The following C10orf67 variants were observed in gnomAD, a reference collection of about 807,000 sequenced individuals.
The protein encoded by C10orf67 is uncharacterized protein C10orf67, mitochondrial.
In C10orf67, 60 loss-of-function variants were observed where a neutral mutation model predicts 35.6. That is an observed-to-expected ratio of 1.68 (90% CI 1.37 to 2.09). C10orf67 has a LOEUF of 2.09. C10orf67 is among the 30% of genes most tolerant of loss of function. The pLI, the probability that C10orf67 is intolerant of heterozygous loss-of-function variation, is 0.00. For missense variants in C10orf67, 474 were observed against 330.2 expected (o/e 1.44, Z -3.38); for synonymous variants, 167 against 115.8 (o/e 1.44, Z -2.84).
At chr10:23,297,230 C>CCCTTTCCTTTCCTTTCCTTT (rs55638393) in intron 5 of C10orf67, among the ~76,000 whole-genome samples, 5,084 of 145,664 alleles carry the variant, frequency 0.035, 162 homozygotes, top group South Asian at 0.062. Context: ...CTTTCTATTT[C>CCCTTTCCTTTCCTTTCCTTT]CCTTTCCTTT....
intron 15 of C10orf67, among the ~76,000 whole-genome samples, chr10:23,205,590 T>C (rs201583987): frequency 6.6e-6 from 1 of 152,218 alleles, no homozygotes; most frequent in East Asian, 1.9e-4. Flanking sequence ...TAGAGTTAAG[T>C]ATACTGGAGA....
intron 13 of C10orf67, among the ~76,000 whole-genome samples, chr10:23,234,268 CAACTT>C (rs1156913022): frequency 1.8e-4 from 28 of 152,142 alleles, no homozygotes; most frequent in Non-Finnish European, 2.6e-4. Flanking sequence ...GACATGGAAT[CAACTT>C]AAATGCCCAT....
chr10:23,222,794 A>C (rs1173872434), intron 15 of C10orf67, among the ~76,000 whole-genome samples: 1 of 152,164 alleles, frequency 6.6e-6, no homozygotes, highest in African/African-American at 2.4e-5. Context: ...CCAATCAACC[A>C]AACAAACAAA....
At chr10:23,226,452 A>G (rs1297118641) in intron 13 of C10orf67, among the ~76,000 whole-genome samples, 1 of 152,180 alleles carries the variant, frequency 6.6e-6, no homozygotes, top group Non-Finnish European at 1.5e-5. Context: ...GTGTAGAGGG[A>G]AATTTATCAC....
chr10:23,286,290 C>G (rs987592407), intron 7 of C10orf67, among the ~76,000 whole-genome samples: 6 of 147,008 alleles, frequency 4.1e-5, no homozygotes, highest in Non-Finnish European at 6.0e-5. Context: ...CCCAGCTACT[C>G]TGGGAGCTGA....
chr10:23,315,570 C>T (rs747333957), intron 4 of C10orf67, among the ~76,000 whole-genome samples: 2 of 151,848 alleles, frequency 1.3e-5, no homozygotes, highest in African/African-American at 4.8e-5. Flanking sequence ...TTCCAAGTAG[C>T]TAGGACCCTA....
At chr10:23,339,728 T>C (rs1182972991) in intron 1 of C10orf67, among the ~76,000 whole-genome samples, 1 of 152,234 alleles carries the variant, frequency 6.6e-6, no homozygotes, top group East Asian at 1.9e-4. Flanking sequence ...CAGTGTATTG[T>C]CTAGAGTCTT....
chr10:23,271,337 G>A (rs188196171), intron 8 of C10orf67, among the ~76,000 whole-genome samples: 1 of 152,296 alleles, frequency 6.6e-6, no homozygotes, highest in East Asian at 1.9e-4. Flanking sequence ...TACCAGAGGT[G>A]TTTCCAGTTT....
rs553295051 is a variant in C10orf67 at position 23,320,048 on chromosome 10, G to C, written c.546+693C>G. ...ATTACGTACCAGTCACAGCGCTAAA[G>C]GCAGAACCACAGCAGAGAGTAACAC... On this transcript the variant is annotated intron_variant, in intron 4 of 15. Transcript: ENST00000636213. Among the ~76,000 whole-genome samples the C allele has an allele frequency of 2.6e-5, 4 of 152,268 alleles. No individual in the cohort carries two copies. In the East Asian group the frequency reaches 7.7e-4, roughly 29 times the overall value.
At chr10:23,292,432 C>T (rs1281883024) in intron 5 of C10orf67, among the ~76,000 whole-genome samples, 1 of 152,064 alleles carries the variant, frequency 6.6e-6, no homozygotes, top group Non-Finnish European at 1.5e-5. Flanking sequence ...ATTAAAAATA[C>T]TTTTGATCTT....
chr10:23,219,778 T>A (rs910000084), intron 15 of C10orf67, among the ~76,000 whole-genome samples: 1 of 152,198 alleles, frequency 6.6e-6, no homozygotes, highest in Non-Finnish European at 1.5e-5. Context: ...ATATTTTGTA[T>A]TTTACTTTAC....
chr10:23,329,797 C>A (rs1251573861), intron 2 of C10orf67, among the ~76,000 whole-genome samples: 204 of 47,980 alleles, frequency 4.3e-3, no homozygotes, highest in African/African-American at 5.8e-3. Context: ...GAACTTGTCT[C>A]AAAAAAAAAA....
At chr10:23,211,147 G>C (rs1841295889) in intron 15 of C10orf67, among the ~76,000 whole-genome samples, 1 of 152,100 alleles carries the variant, frequency 6.6e-6, no homozygotes, top group Non-Finnish European at 1.5e-5. Context: ...GAAATTTGTA[G>C]GGCCATGCTC....
At chr10:23,231,667 G>A (rs1841917635) in intron 13 of C10orf67, among the ~76,000 whole-genome samples, 1 of 152,184 alleles carries the variant, frequency 6.6e-6, no homozygotes, top group Admixed American at 6.5e-5. Context: ...AAACCTGGAA[G>A]AGCTCCTGTA....
chr10:23,208,743 T>C (rs1297324971), intron 15 of C10orf67, among the ~76,000 whole-genome samples: 1 of 152,176 alleles, frequency 6.6e-6, no homozygotes, highest in African/African-American at 2.4e-5. Flanking sequence ...TGCAGTTCCC[T>C]CACACATTGA....
At chr10:23,300,738 C>T (rs957580669) in intron 5 of C10orf67, among the ~76,000 whole-genome samples, 58 of 152,144 alleles carry the variant, frequency 3.8e-4, no homozygotes, top group African/African-American at 1.4e-3. Flanking sequence ...CAAATGTCTG[C>T]AGCACCAATC....
intron 4 of C10orf67, among the ~76,000 whole-genome samples, chr10:23,310,078 A>G (rs992888452): frequency 7.2e-5 from 11 of 152,218 alleles, no homozygotes; most frequent in Non-Finnish European, 1.6e-4. Context: ...AGATAGCAGA[A>G]AGCAGTGTGA....
At chr10:23,321,961 T>C (rs1423610154) in intron 3 of C10orf67, among the ~76,000 whole-genome samples, 1 of 152,118 alleles carries the variant, frequency 6.6e-6, no homozygotes, top group Non-Finnish European at 1.5e-5. Context: ...CTCATGCTTT[T>C]ATTCTTCGTA....
chr10:23,283,474 G>A (rs949654978), intron 7 of C10orf67, among the ~76,000 whole-genome samples: 1 of 152,058 alleles, frequency 6.6e-6, no homozygotes, highest in African/African-American at 2.4e-5. Context: ...CTCTGGTTCC[G>A]GGCTTTCCTC....
Sources: allele counts gnomAD v4.1 joint callset (sites outside exome capture counted in the v4.1 genomes callset), GRCh38; gene constraint gnomAD v4.1.1; transcripts MANE v1.5; gene names NCBI Gene and HGNC (gene_info 2026-07-23, HGNC 2026-07-21).